The following LYZL1 variants were observed in gnomAD, a reference collection of about 807,000 sequenced individuals.
LYZL1 encodes lysozyme like 1.
In LYZL1, 16 loss-of-function variants were observed where a neutral mutation model predicts 17.9. The observed-to-expected ratio is 0.90, with a 90% CI of 0.61 to 1.36. The LOEUF (loss-of-function observed/expected upper bound fraction) is 1.36. LYZL1 is among the 40% of genes most tolerant of loss of function. The probability of loss-of-function intolerance (pLI) is 0.00; values close to 1 mark genes in which losing one functional copy is unlikely to be tolerated. For synonymous variants in LYZL1, 58 were observed against 71.8 expected (o/e 0.81, Z 0.97); for missense variants, 149 against 188.4 (o/e 0.79, Z 1.22).
intron 3 of LYZL1, among the ~76,000 whole-genome samples, chr10:29,299,063 A>G (rs1835482871): frequency 2.0e-5 from 3 of 152,184 alleles, no homozygotes; most frequent in Admixed American, 6.5e-5. Context: ...TTAGGTTCTC[A>G]TAAGGACCGT....
At chr10:29,307,638 C>T (rs547786154) in intron 3 of LYZL1, among the ~76,000 whole-genome samples, 2 of 152,278 alleles carry the variant, frequency 1.3e-5, no homozygotes, top group South Asian at 2.1e-4. Flanking sequence ...AGCATTTCCC[C>T]CATGTTATAA....
downstream of LYZL1, among the ~76,000 whole-genome samples, chr10:29,315,000 T>C (rs1260245692): frequency 2.6e-5 from 4 of 152,090 alleles, no homozygotes; most frequent in Non-Finnish European, 5.9e-5. Flanking sequence ...GTGTCTCAAA[T>C]ATGGCACAAA....
At chr10:29,292,915 G>A (rs1410899502) in intron 3 of LYZL1, among the ~76,000 whole-genome samples, 4 of 152,150 alleles carry the variant, frequency 2.6e-5, no homozygotes, top group Admixed American at 2.0e-4. Context: ...ACTAAAGCAG[G>A]TGGATGGACA....
chr10:29,304,688 T>C (rs983752479), intron 3 of LYZL1, among the ~76,000 whole-genome samples: 4 of 152,134 alleles, frequency 2.6e-5, no homozygotes, highest in Non-Finnish European at 1.5e-5. Context: ...GAGTCCTCAT[T>C]TAAAAAGTGC....
At chr10:29,307,367 G>A (rs1389304923) in intron 3 of LYZL1, among the ~76,000 whole-genome samples, 1 of 152,176 alleles carries the variant, frequency 6.6e-6, no homozygotes, top group Non-Finnish European at 1.5e-5. Flanking sequence ...TGTGGTATTT[G>A]TCTTTCTGGG....
downstream of LYZL1, among the ~76,000 whole-genome samples, chr10:29,314,820 C>T (rs569044332): frequency 1.3e-5 from 2 of 152,196 alleles, no homozygotes; most frequent in South Asian, 2.1e-4. Context: ...CCCTGAGATA[C>T]GGAAGGGGTA....
downstream of LYZL1, among the ~76,000 whole-genome samples, chr10:29,312,722 G>T (rs1266350598): frequency 6.6e-6 from 1 of 152,114 alleles, no homozygotes; most frequent in African/African-American, 2.4e-5. Flanking sequence ...ACCCCCTCCT[G>T]GCTCCCATGG....
At chr10:29,315,593 C>T (rs1835720850), downstream of LYZL1, among the ~76,000 whole-genome samples, 1 of 152,018 alleles carries the variant, frequency 6.6e-6, no homozygotes, top group Admixed American at 6.6e-5. Context: ...TGGCTCATGC[C>T]TGTAATCCTA....
At chr10:29,316,481 C>A (rs1228668695) in intron 3 of LYZL1, among the ~76,000 whole-genome samples, 1 of 152,144 alleles carries the variant, frequency 6.6e-6, no homozygotes, top group African/African-American at 2.4e-5. Flanking sequence ...ACAGTTTTTA[C>A]CACTGGGGCC....
intron 3 of LYZL1, among the ~76,000 whole-genome samples, chr10:29,309,277 C>T (rs1350144489): frequency 4.1e-5 from 6 of 146,158 alleles, no homozygotes; most frequent in African/African-American, 5.1e-5. Context: ...TGCAGTGAGC[C>T]GAGACTATGC....
intron 3 of LYZL1, 75 bp from the exon 4 acceptor site, chr10:29,310,035 T>C: frequency 9.8e-7 from 1 of 1,017,534 alleles, no homozygotes; most frequent in Non-Finnish European, 1.5e-6. Flanking sequence ...CTGAGAAAAG[T>C]GAAGTAAAGT....
chr10:29,315,169 A>G (rs1431037402), downstream of LYZL1, among the ~76,000 whole-genome samples: 1 of 152,226 alleles, frequency 6.6e-6, no homozygotes, highest in Non-Finnish European at 1.5e-5. Flanking sequence ...ACTGTCAATA[A>G]ACAGGAACTA....
chr10:29,297,076 C>T (rs909101489), intron 3 of LYZL1, among the ~76,000 whole-genome samples: 3 of 125,438 alleles, frequency 2.4e-5, no homozygotes, highest in Non-Finnish European at 3.5e-5. Flanking sequence ...AAGCAAGATG[C>T]TTTTTTTGAA....
chr10:29,292,555 C>T lies in LYZL1; in HGVS notation c.176C>T (p.Thr59Ile). ...GCATATTATGAGAGCGGCTACAACA[C>T]CACAGCCCAGACGGTCCTGGATGAC... Reference protein sequence around the residue: ...CMAYYESGYNTTAQTVLDDGS... With the variant: ...CMAYYESGYNITAQTVLDDGS... The change falls in exon 3 of 5, where the codon ACC (threonine) becomes ATC (isoleucine). Residue 59 changes from threonine to isoleucine, a missense_variant. Around this residue, in one of 2 missense-constraint regions of LYZL1, gnomAD observed 130 missense variants for 132.5 expected, o/e 0.98. Coordinates refer to ENST00000649382, the MANE Select transcript of LYZL1 (RefSeq NM_032517.6). 2.5e-6 allele frequency: 4 copies of T among 1,614,262 alleles called. No homozygotes were observed. The highest frequency in any genetic ancestry group is 2.2e-5 in the East Asian group (1 of 44,882).
At chr10:29,304,466 G>A (rs1007032534) in intron 3 of LYZL1, among the ~76,000 whole-genome samples, 1 of 152,178 alleles carries the variant, frequency 6.6e-6, no homozygotes, top group Admixed American at 6.5e-5. Flanking sequence ...TGGGAGGCAG[G>A]AGGATGCCGA....
At chr10:29,292,430 T>C (rs1365911097) in intron 2 of LYZL1, 89 bp from the exon 3 acceptor site, 1 of 1,547,852 alleles carries the variant, frequency 6.5e-7, no homozygotes, top group Non-Finnish European at 8.7e-7. Flanking sequence ...AGCAGTCAGG[T>C]AACAAGGATA....
intron 3 of LYZL1, among the ~76,000 whole-genome samples, chr10:29,306,218 C>T (rs1468115865): frequency 6.6e-6 from 1 of 152,034 alleles, no homozygotes; most frequent in East Asian, 1.9e-4. Flanking sequence ...AACCACTAGC[C>T]ATGAGTGGCT....
At chr10:29,291,556 C>T (rs1353989039) in intron 1 of LYZL1, among the ~76,000 whole-genome samples, 7 of 151,730 alleles carry the variant, frequency 4.6e-5, no homozygotes, top group Admixed American at 2.6e-4. Context: ...TAAAAATGCC[C>T]CCTGTGGTTT....
At chr10:29,304,985 T>A (rs556238693) in intron 3 of LYZL1, among the ~76,000 whole-genome samples, 2 of 152,234 alleles carry the variant, frequency 1.3e-5, no homozygotes, top group South Asian at 4.1e-4. Flanking sequence ...GCATCCACAA[T>A]CAAACTGCCC....
Sources: allele counts gnomAD v4.1 joint callset (sites outside exome capture counted in the v4.1 genomes callset), GRCh38; gene constraint gnomAD v4.1.1; regional missense constraint gnomAD v4.1.1; transcripts MANE v1.5; gene names NCBI Gene and HGNC (gene_info 2026-07-23, HGNC 2026-07-21).